The following CBFB variants were observed in gnomAD, a reference collection of about 807,000 sequenced individuals.
CBFB encodes the protein CBF-beta.
A neutral mutation model predicts 30.4 loss-of-function variants in CBFB; 9 were observed. The ratio of observed to expected loss-of-function variants is 0.30; its 90% confidence interval spans 0.18 to 0.52. CBFB has a LOEUF of 0.52. Ranked by LOEUF, CBFB falls within the 20% of genes least tolerant of loss-of-function variation. The probability of loss-of-function intolerance (pLI) is 0.97; values close to 1 mark genes in which losing one functional copy is unlikely to be tolerated. For missense variants in CBFB, 170 were observed against 244.0 expected (o/e 0.70, Z 2.02); for synonymous variants, 94 against 84.0 (o/e 1.12, Z -0.65).
At chr16:67,047,530 C>T (rs1966649711) in intron 3 of CBFB, among the ~76,000 whole-genome samples, 4 of 152,176 alleles carry the variant, frequency 2.6e-5, no homozygotes. Flanking sequence ...TCGACATTTA[C>T]ATTAGAAGAA....
intron 3 of CBFB, among the ~76,000 whole-genome samples, chr16:67,066,077 T>A (rs556416906): frequency 5.3e-5 from 8 of 151,546 alleles, no homozygotes; most frequent in East Asian, 1.9e-4. Flanking sequence ...GACAAAAAAA[T>A]AAAAAGAAAA....
chr16:67,069,531 C>G (rs2030580769), intron 4 of CBFB, among the ~76,000 whole-genome samples: 1 of 152,040 alleles, frequency 6.6e-6, no homozygotes, highest in South Asian at 2.1e-4. Flanking sequence ...ATGAAAGTTT[C>G]AGGAAAGGAA....
intron 3 of CBFB, among the ~76,000 whole-genome samples, chr16:67,061,405 ACTTTT>A (rs764492984): frequency 5.3e-5 from 8 of 152,218 alleles, no homozygotes; most frequent in Non-Finnish European, 8.8e-5. Flanking sequence ...TATTCTAATA[ACTTTT>A]CTTTTTAAAG....
chr16:67,062,133 A>G (rs1269618711), intron 3 of CBFB, among the ~76,000 whole-genome samples: 2 of 152,160 alleles, frequency 1.3e-5, no homozygotes, highest in Non-Finnish European at 2.9e-5. Context: ...TAAATAAGTA[A>G]TAAATGGGCT....
intron 2 of CBFB, chr16:67,030,150 C>T (rs902771447): frequency 1.4e-4 from 32 of 235,318 alleles, no homozygotes; most frequent in Middle Eastern, 1.3e-3. Context: ...AACCCCCATT[C>T]GGAAAAAGAA....
chr16:67,053,477 G>A (rs1177932961), intron 3 of CBFB, among the ~76,000 whole-genome samples: 5 of 151,572 alleles, frequency 3.3e-5, no homozygotes, highest in East Asian at 3.9e-4. Context: ...GGCTGGTCTC[G>A]ATCTCCTGAC....
At chr16:67,097,393 A>C (rs1962081209) in intron 5 of CBFB, among the ~76,000 whole-genome samples, 1 of 151,344 alleles carries the variant, frequency 6.6e-6, no homozygotes, top group East Asian at 1.9e-4. Context: ...TAAAACTACA[A>C]AATTAGCCGG....
intron 4 of CBFB, among the ~76,000 whole-genome samples, chr16:67,068,060 A>G (rs1001488934): frequency 2.6e-5 from 4 of 152,242 alleles, no homozygotes; most frequent in African/African-American, 9.6e-5. Context: ...TCCCCAAGCT[A>G]CACACAAGTC....
At chr16:67,060,651 G>T (rs1960885529) in intron 3 of CBFB, among the ~76,000 whole-genome samples, 1 of 152,112 alleles carries the variant, frequency 6.6e-6, no homozygotes, top group African/African-American at 2.4e-5. Context: ...CGCCTCCTGG[G>T]TTCAAACGAT....
At chr16:67,059,093 C>T (rs1043574080) in intron 3 of CBFB, among the ~76,000 whole-genome samples, 2 of 152,114 alleles carry the variant, frequency 1.3e-5, no homozygotes, top group Non-Finnish European at 2.9e-5. Flanking sequence ...TCTCGGCTAC[C>T]TAGAAACTAT....
chr16:67,066,171 C>G, intron 3 of CBFB, among the ~76,000 whole-genome samples: 1 of 151,940 alleles, frequency 6.6e-6, no homozygotes, highest in East Asian at 1.9e-4. Flanking sequence ...CTCCAGGAAC[C>G]CACGTTGAGG....
intron 4 of CBFB, among the ~76,000 whole-genome samples, chr16:67,074,795 G>T (rs937339539): frequency 1.3e-5 from 2 of 152,140 alleles, no homozygotes; most frequent in African/African-American, 4.8e-5. Flanking sequence ...GATAAATAAC[G>T]AATTATGGTA....
intron 5 of CBFB, among the ~76,000 whole-genome samples, chr16:67,098,471 TTATG>T (rs1962119901): frequency 6.6e-6 from 1 of 152,188 alleles, no homozygotes; most frequent in Non-Finnish European, 1.5e-5. Flanking sequence ...TAGTACATAT[TTATG>T]GTGATTTTCT....
chr16:67,082,319 C>G lies in CBFB; in HGVS notation c.495+11C>G. On this transcript the variant is annotated intron_variant, in intron 5 of 5. Coordinates refer to ENST00000412916, the MANE Select transcript of CBFB (RefSeq NM_022845.3). Reference sequence around the variant, plus strand: ...CGGGAGGAAATGGAGGTGAGAGTTTCACAGCTGCTGGCAGTAACTGGTTAG... The same window carrying G: ...CGGGAGGAAATGGAGGTGAGAGTTTGACAGCTGCTGGCAGTAACTGGTTAG... 1 of 1,612,396 alleles carries G rather than the reference C, an allele frequency of 6.2e-7. No homozygotes were observed. Among genetic ancestry groups the G allele is most frequent in the Non-Finnish European group, 8.5e-7 (1 of 1,178,772 alleles).
chr16:67,039,275 G>A (rs1256595613), intron 3 of CBFB, among the ~76,000 whole-genome samples: 2 of 152,116 alleles, frequency 1.3e-5, no homozygotes, highest in Non-Finnish European at 2.9e-5. Flanking sequence ...AAGTATTTGT[G>A]TATCTTGATG....
chr16:67,071,105 G>A (rs924179635), intron 4 of CBFB, among the ~76,000 whole-genome samples: 1 of 152,070 alleles, frequency 6.6e-6, no homozygotes, highest in Non-Finnish European at 1.5e-5. Context: ...AACTATTTAG[G>A]CAGCAATCAG....
chr16:67,029,717 T>C lies in CBFB; in HGVS notation c.79-10T>C, dbSNP rs1161634415. 6.3e-7 allele frequency: 1 copy of C among 1,585,094 alleles called. No individual in the cohort carries two copies. The highest frequency in any genetic ancestry group is 2.4e-5 in the East Asian group (1 of 41,550). ...TTTGGCTCCTGATTTCGGGCCGTCTTGCCTTGCAGATTAAGTACACGGGCT... is the reference window on the plus strand; with the variant it reads ...TTTGGCTCCTGATTTCGGGCCGTCTCGCCTTGCAGATTAAGTACACGGGCT... On this transcript the variant is annotated splice_polypyrimidine_tract_variant and intron_variant, in intron 1 of 5. Transcript: ENST00000412916.
chr16:67,062,173 AT>A (rs930949528), intron 3 of CBFB, among the ~76,000 whole-genome samples: 41 of 146,852 alleles, frequency 2.8e-4, no homozygotes, highest in African/African-American at 3.0e-4. Flanking sequence ...TTATAAGGAA[AT>A]TTTTTTTTTT....
intron 2 of CBFB, among the ~76,000 whole-genome samples, chr16:67,035,284 C>T (rs549942707): frequency 6.6e-6 from 1 of 152,230 alleles, no homozygotes; most frequent in Non-Finnish European, 1.5e-5. Context: ...AGGGTTTCAC[C>T]ATGTTGGCCA....
Sources: allele counts gnomAD v4.1 joint callset (sites outside exome capture counted in the v4.1 genomes callset), GRCh38; gene constraint gnomAD v4.1.1; transcripts MANE v1.5; gene names NCBI Gene and HGNC (gene_info 2026-07-23, HGNC 2026-07-21).